OPRM1: variants seen among roughly 807,000 people sequenced by gnomAD.
The protein encoded by OPRM1 is opioid receptor mu 1, also known as mu-type opioid receptor.
Under a neutral mutation model 31.8 loss-of-function variants are expected in OPRM1, and 27 were observed. That is an observed-to-expected ratio of 0.85 (90% CI 0.63 to 1.17). OPRM1 has a LOEUF of 1.17. OPRM1 is among the 50% of genes most tolerant of loss of function. The probability of loss-of-function intolerance (pLI) is 0.00; values close to 1 mark genes in which losing one functional copy is unlikely to be tolerated. For missense variants in OPRM1, 536 were observed against 511.1 expected, an observed-to-expected ratio of 1.05 and a Z score of -0.47; for synonymous variants, 196 against 189.9, an observed-to-expected ratio of 1.03 and a Z score of -0.26.
At chr6:154,099,908 A>G (rs1280353753) in intron 3 of OPRM1, among the ~76,000 whole-genome samples, 1 of 144,440 alleles carries the variant, frequency 6.9e-6, no homozygotes, top group Non-Finnish European at 1.5e-5. Flanking sequence ...ATATTATGAT[A>G]TATATCATAA....
chr6:154,056,425 T>C (rs1783313902), intron 1 of OPRM1, among the ~76,000 whole-genome samples: 1 of 151,872 alleles, frequency 6.6e-6, no homozygotes, highest in Admixed American at 6.6e-5. Flanking sequence ...CCCGGCCTGA[T>C]GGAGCTCTTT....
Position 154,240,519 on chromosome 6 carries a change from G to C in OPRM1, c.1165-6174G>C, listed in dbSNP as rs192387555. Among the ~76,000 whole-genome samples, 410 of 127,864 alleles carry C rather than the reference G, an allele frequency of 3.2e-3. 2 individuals are homozygous for C. Among genetic ancestry groups the C allele is most frequent in the African/African-American group, 0.011 (400 of 35,534 alleles). The allele number at this position is 127,864 out of a possible 152,430, so 83.9% of individuals were successfully genotyped here. A position where few individuals can be genotyped will look rare whatever the true frequency, so the allele number is the denominator to read the frequency against. ...TTAATCTGTTCTTTATTTTTCTTGA[G>C]CTGAAAAAAAAAAAGGTACTCTATA... On this transcript the variant is annotated intron_variant, in intron 3 of 3. Coordinates refer to the OPRM1 transcript ENST00000337049.
At chr6:154,035,016 C>A (rs1163756259), upstream of OPRM1, among the ~76,000 whole-genome samples, 4 of 152,076 alleles carry the variant, frequency 2.6e-5, no homozygotes, top group South Asian at 2.1e-4. Context: ...ATTTCTAGGC[C>A]ACATACAACA....
chr6:154,150,314 T>G (rs1020888178), intron 3 of OPRM1, among the ~76,000 whole-genome samples: 1 of 152,238 alleles, frequency 6.6e-6, no homozygotes, highest in African/African-American at 2.4e-5. Flanking sequence ...TGTTCTTGCT[T>G]CCCTTGATCC....
chr6:154,028,525 C>T (rs960727435), intron 1 of OPRM1, among the ~76,000 whole-genome samples: 1 of 152,214 alleles, frequency 6.6e-6, no homozygotes, highest in African/African-American at 2.4e-5. Context: ...AGCACTAGGA[C>T]TTGCCTAAAA....
chr6:154,019,873 A>G (rs1253311357), intron 1 of OPRM1, among the ~76,000 whole-genome samples: 1 of 151,078 alleles, frequency 6.6e-6, no homozygotes, highest in Admixed American at 6.6e-5. Flanking sequence ...AGCTGGGACT[A>G]CAGACACATG....
At chr6:154,055,060 G>A (rs1316591598) in intron 1 of OPRM1, among the ~76,000 whole-genome samples, 3 of 152,276 alleles carry the variant, frequency 2.0e-5, no homozygotes, top group African/African-American at 7.2e-5. Context: ...ATAAGATTTG[G>A]ATAATAAAAA....
chr6:154,060,747 A>G (rs899305606), intron 1 of OPRM1, among the ~76,000 whole-genome samples: 1 of 152,320 alleles, frequency 6.6e-6, no homozygotes, highest in Admixed American at 6.5e-5. Context: ...GGAGAACAAT[A>G]GGGGCAGAAT....
chr6:154,172,224 T>C (rs921616502), intron 3 of OPRM1, among the ~76,000 whole-genome samples: 25 of 152,346 alleles, frequency 1.6e-4, no homozygotes, highest in Admixed American at 1.3e-3. Flanking sequence ...GTGAAATCAA[T>C]GCAGAAGACA....
At position 154,128,633 on chromosome 6, in the gene OPRM1, A is replaced by T. The variant is rs1319130730; in HGVS notation, c.*9912A>T. Among the ~76,000 whole-genome samples the T allele has an allele frequency of 6.6e-6, 1 of 152,190 alleles. No homozygotes were observed. The highest frequency in any genetic ancestry group is 2.4e-5 in the African/African-American group (1 of 41,432). On this transcript the variant is annotated 3_prime_UTR_variant, in exon 4 of 4. Coordinates refer to ENST00000330432, the MANE Select transcript of OPRM1 (RefSeq NM_000914.5). The stretch of plus-strand genomic sequence containing the variant: ...AGATCAATTTGGTTACTGTTTTATC[A>T]TTGATCCTGAAGACAGTTGAAGCAA...
intron 3 of OPRM1, among the ~76,000 whole-genome samples, chr6:154,177,169 T>A (rs564080348): frequency 6.6e-6 from 1 of 152,250 alleles, no homozygotes; most frequent in South Asian, 2.1e-4. Context: ...ACGTAAGACC[T>A]AAAACCATAA....
At chr6:154,211,265 A>G (rs1777938081) in intron 3 of OPRM1, among the ~76,000 whole-genome samples, 1 of 151,938 alleles carries the variant, frequency 6.6e-6, no homozygotes, top group Non-Finnish European at 1.5e-5. Flanking sequence ...AAATACAAAA[A>G]ATTAGCCGGG....
chr6:154,033,584 A>C (rs1393606459), intron 1 of OPRM1, among the ~76,000 whole-genome samples: 2 of 152,220 alleles, frequency 1.3e-5, no homozygotes, highest in Non-Finnish European at 2.9e-5. Flanking sequence ...AGTTGTACAG[A>C]GATAAGAATG....
At chr6:154,171,859 T>C (rs1415084557) in intron 3 of OPRM1, among the ~76,000 whole-genome samples, 1 of 152,176 alleles carries the variant, frequency 6.6e-6, no homozygotes, top group Non-Finnish European at 1.5e-5. Context: ...CTTTTACTTT[T>C]TAAAAAAATA....
intron 3 of OPRM1, among the ~76,000 whole-genome samples, chr6:154,189,786 T>C (rs1801702098): frequency 6.6e-6 from 1 of 152,018 alleles, no homozygotes; most frequent in Admixed American, 6.6e-5. Context: ...CTGACCAATA[T>C]GGTGAAACCC....
intron 3 of OPRM1, among the ~76,000 whole-genome samples, chr6:154,242,755 C>T (rs1341777198): frequency 7.9e-5 from 12 of 151,974 alleles, no homozygotes; most frequent in Non-Finnish European, 1.6e-4. Flanking sequence ...GGCATGGTGG[C>T]GCACACCTGT....
At chr6:154,087,441 C>T (rs1583460353) in intron 1 of OPRM1, 3 of 985,388 alleles carry the variant, frequency 3.0e-6, no homozygotes, top group Non-Finnish European at 3.6e-6. Flanking sequence ...TTGATGGCAC[C>T]GTGTAAATCA....
At chr6:154,140,451 C>T (rs1798171477) in intron 3 of OPRM1, among the ~76,000 whole-genome samples, 1 of 152,098 alleles carries the variant, frequency 6.6e-6, no homozygotes. Flanking sequence ...CTGCCTCAGC[C>T]TCCTGAGTAG....
chr6:154,152,273 G>C (rs1208034380), intron 3 of OPRM1, among the ~76,000 whole-genome samples: 1 of 119,742 alleles, frequency 8.4e-6, no homozygotes, highest in Non-Finnish European at 1.7e-5. Context: ...GAAAGAAAAA[G>C]AAAAGGAAAG....
Sources: allele counts gnomAD v4.1 joint callset (sites outside exome capture counted in the v4.1 genomes callset), GRCh38; gene constraint gnomAD v4.1.1; transcripts MANE v1.5; gene names NCBI Gene and HGNC (gene_info 2026-07-23, HGNC 2026-07-21).